LCORL: variants seen among roughly 807,000 people sequenced by gnomAD.
The protein encoded by LCORL is ligand dependent nuclear receptor corepressor like, also known as ligand-dependent nuclear receptor corepressor-like protein.
Under a neutral mutation model 141.8 loss-of-function variants are expected in LCORL, and 41 were observed. The ratio of observed to expected loss-of-function variants is 0.29; its 90% confidence interval spans 0.23 to 0.38. The LOEUF (loss-of-function observed/expected upper bound fraction) is 0.38, where lower values mean the gene tolerates loss of function less well. LCORL is among the 10% of genes least tolerant of loss of function. The pLI is 1.00. For missense variants in LCORL, 1,759 were observed against 2,035.0 expected (o/e 0.86, Z 2.61); for synonymous variants, 618 against 694.1 (o/e 0.89, Z 1.72).
At position 17,907,283 on chromosome 4, in the gene LCORL, G is replaced by A. The variant is rs1731794583; in HGVS notation, c.682+1811C>T. ...GAACGGGGGGTAGACAGTGCGGTGAGAGTAGTATTTGAGAATCTTTCATGA... is the reference window on the plus strand; with the variant it reads ...GAACGGGGGGTAGACAGTGCGGTGAAAGTAGTATTTGAGAATCTTTCATGA... On this transcript the variant is annotated intron_variant, in intron 5 of 7. Coordinates refer to ENST00000635767, the Ensembl canonical transcript of LCORL. 2.6e-5 allele frequency among the ~76,000 whole-genome samples: 4 copies of A among 152,292 alleles called. No homozygotes were observed. The South Asian group carries it at 8.3e-4, about 32-fold the overall frequency.
chr4:17,944,005 T>G (rs1247953971), intron 4 of LCORL, among the ~76,000 whole-genome samples: 2 of 152,200 alleles, frequency 1.3e-5, no homozygotes, highest in Non-Finnish European at 2.9e-5. Flanking sequence ...AAAGAGGATA[T>G]GGGCATGGTA....
rs182218885 is a variant in LCORL at position 17,981,495 on chromosome 4, G to A, written c.155-8610C>T. On this transcript the variant is annotated intron_variant, in intron 1 of 7. Transcript: ENST00000635767. The stretch of plus-strand genomic sequence containing the variant: ...CCTTCAGCCAGACACGGTGGCTCAC[G>A]ACTGTAATCCCAGCACTTTGGGAGG... Among the ~76,000 whole-genome samples, 251 of 152,152 alleles carry A rather than the reference G, an allele frequency of 1.6e-3. 1 individual carries two copies. The highest frequency in any genetic ancestry group is 7.0e-3 in the East Asian group (36 of 5,178).
At chr4:17,906,535 CT>C (rs1731647109) in intron 5 of LCORL, among the ~76,000 whole-genome samples, 1 of 152,162 alleles carries the variant, frequency 6.6e-6, no homozygotes, top group Admixed American at 6.5e-5. Context: ...TCTTTCCAAA[CT>C]CAGGATTTTC....
At chr4:17,955,783 T>C (rs1712497268) in intron 4 of LCORL, among the ~76,000 whole-genome samples, 1 of 152,082 alleles carries the variant, frequency 6.6e-6, no homozygotes, top group African/African-American at 2.4e-5. Flanking sequence ...GTGTTAAATA[T>C]GACAAAGGCA....
intron 2 of LCORL, among the ~76,000 whole-genome samples, chr4:17,965,174 T>C (rs959237656): frequency 2.6e-5 from 4 of 152,170 alleles, no homozygotes; most frequent in African/African-American, 9.6e-5. Context: ...ATAAAGACCA[T>C]TAAATTTTTC....
intron 4 of LCORL, among the ~76,000 whole-genome samples, chr4:17,926,812 G>A (rs981214821): frequency 1.3e-5 from 2 of 152,178 alleles, no homozygotes; most frequent in East Asian, 3.9e-4. Flanking sequence ...AGGCTTTGTT[G>A]TTCTACAAAT....
At chr4:18,009,827 T>C (rs1723407699) in intron 1 of LCORL, among the ~76,000 whole-genome samples, 1 of 151,022 alleles carries the variant, frequency 6.6e-6, no homozygotes, top group Non-Finnish European at 1.5e-5. Context: ...TCCTTACCCT[T>C]CATTCCATCA....
chr4:17,918,077 G>A (rs567474536), intron 4 of LCORL, among the ~76,000 whole-genome samples: 131 of 152,198 alleles, frequency 8.6e-4, no homozygotes, highest in Non-Finnish European at 5.9e-4. Context: ...GACGTATGAG[G>A]AAACATCTGT....
At chr4:17,948,889 GAA>G (rs1220700060) in intron 4 of LCORL, among the ~76,000 whole-genome samples, 3 of 148,302 alleles carry the variant, frequency 2.0e-5, no homozygotes, top group Non-Finnish European at 4.5e-5. Flanking sequence ...AAAGCCAAAG[GAA>G]AGAGAGTTTC....
At position 17,895,692 on chromosome 4, in the gene LCORL, C is replaced by T. The variant is rs116137818; in HGVS notation, c.683-9531G>A. 2.6e-3 allele frequency among the ~76,000 whole-genome samples: 396 copies of T among 152,256 alleles called. 3 individuals are homozygous for T. Among genetic ancestry groups the T allele is most frequent in the African/African-American group, 8.8e-3 (367 of 41,568 alleles). ...TAGAAAGAAATCCTGCACCCTTGGGCGACTGCTCTCCCTTGTCCTATGACT... is the reference window on the plus strand; with the variant it reads ...TAGAAAGAAATCCTGCACCCTTGGGTGACTGCTCTCCCTTGTCCTATGACT... On this transcript the variant is annotated intron_variant, in intron 5 of 7. Coordinates refer to ENST00000635767, the Ensembl canonical transcript of LCORL.
At chr4:17,969,924 G>A (rs146574805) in intron 2 of LCORL, among the ~76,000 whole-genome samples, 3 of 152,100 alleles carry the variant, frequency 2.0e-5, no homozygotes, top group Admixed American at 6.6e-5. Context: ...CCTTAAAGTC[G>A]TGTTGTGTAT....
At chr4:17,892,094 C>T (rs1729165697) in intron 5 of LCORL, among the ~76,000 whole-genome samples, 1 of 151,938 alleles carries the variant, frequency 6.6e-6, no homozygotes, top group Non-Finnish European at 1.5e-5. Context: ...TACTGTTTAA[C>T]TATGGCGTTT....
intron 1 of LCORL, among the ~76,000 whole-genome samples, chr4:18,012,970 G>A (rs933781039): frequency 1.3e-5 from 2 of 152,024 alleles, no homozygotes; most frequent in Admixed American, 1.3e-4. Context: ...ATTAGTTTAC[G>A]ACAAATGTTA....
chr4:17,852,299 A>G (rs1723832391), intron 7 of LCORL, among the ~76,000 whole-genome samples: 1 of 152,040 alleles, frequency 6.6e-6, no homozygotes, highest in African/African-American at 2.4e-5. Context: ...AGTTGGGGGG[A>G]AAAATGTAAA....
At chr4:17,927,165 G>A (rs968891588) in intron 4 of LCORL, among the ~76,000 whole-genome samples, 1 of 152,146 alleles carries the variant, frequency 6.6e-6, no homozygotes, top group Non-Finnish European at 1.5e-5. Context: ...TCATGTAATG[G>A]AGACAGCTTT....
intron 7 of LCORL, among the ~76,000 whole-genome samples, chr4:17,855,118 G>A (rs888857514): frequency 9.9e-5 from 15 of 152,034 alleles, no homozygotes; most frequent in African/African-American, 3.4e-4. Context: ...ATTTTTAATA[G>A]AATGGAAATG....
Position 18,021,804 on chromosome 4 carries a change from G to A in LCORL, c.-53C>T. 1 of 1,417,248 alleles carries A rather than the reference G, an allele frequency of 7.1e-7. No individual in the cohort carries two copies. The highest frequency in any genetic ancestry group is 9.1e-7 in the Non-Finnish European group (1 of 1,094,006). The allele number at this position is 1,417,248 out of a possible 1,614,324, so 87.8% of individuals were successfully genotyped here. A position where few individuals can be genotyped will look rare whatever the true frequency, so the allele number is the denominator to read the frequency against. On this transcript the variant is annotated 5_prime_UTR_variant, in exon 1 of 8. Transcript: ENST00000635767. The surrounding 1 kb of genome is among the most constrained non-coding windows in gnomAD (Gnocchi z 5.5). ...TACATACGAGCAGCGCAGGCACGAG[G>A]CAGGGGCGCGAGCCCTCGGCGCGAG...
intron 7 of LCORL, among the ~76,000 whole-genome samples, chr4:17,865,665 C>T (rs954859889): frequency 2.0e-5 from 3 of 152,212 alleles, no homozygotes; most frequent in Non-Finnish European, 2.9e-5. Flanking sequence ...AATCTTCCTT[C>T]TACCACTATA....
intron 7 of LCORL, among the ~76,000 whole-genome samples, chr4:17,849,347 ACAG>A (rs1283479795): frequency 6.6e-6 from 1 of 152,108 alleles, no homozygotes; most frequent in African/African-American, 2.4e-5. Context: ...GAACAATCAG[ACAG>A]CAGCATTCGC....
Sources: gnomAD v4.1 joint callset for allele counts (sites outside exome capture counted in the v4.1 genomes callset) on GRCh38, gnomAD v4.1.1 for gene constraint, Gnocchi (gnomAD v3.1) non-coding constraint, MANE v1.5 for transcripts, NCBI Gene and HGNC (gene_info 2026-07-23, HGNC 2026-07-21) for gene names.